KCNH5: variants seen among roughly 807,000 people sequenced by gnomAD.
The protein encoded by KCNH5 is voltage-gated delayed rectifier potassium channel KCNH5.
KCNH5 carries 46 observed loss-of-function variants against 96.1 expected under a neutral mutation model. The observed-to-expected ratio is 0.48, with a 90% CI of 0.38 to 0.61. The LOEUF is 0.61. Ranked by LOEUF, KCNH5 falls within the 20% of genes least tolerant of loss-of-function variation. The pLI, the probability that KCNH5 is intolerant of heterozygous loss-of-function variation, is 0.00. For missense variants in KCNH5, 907 were observed against 1,225.8 expected, an observed-to-expected ratio of 0.74 and a Z score of 3.88; for synonymous variants, 439 against 449.8, an observed-to-expected ratio of 0.98 and a Z score of 0.30.
intron 3 of KCNH5, among the ~76,000 whole-genome samples, chr14:63,001,780 G>C (rs780499314): frequency 1.3e-5 from 2 of 152,184 alleles, no homozygotes; most frequent in Non-Finnish European, 2.9e-5. Context: ...GTAGGTCTGG[G>C]TCCCTCAACC....
chr14:62,781,067 T>G (rs985066942), intron 9 of KCNH5, among the ~76,000 whole-genome samples: 4 of 152,058 alleles, frequency 2.6e-5, no homozygotes, highest in African/African-American at 4.8e-5. Context: ...CATAGGTTCT[T>G]TTCTATTTTC....
chr14:62,760,928 T>G (rs1228618005), intron 10 of KCNH5, among the ~76,000 whole-genome samples: 1 of 152,258 alleles, frequency 6.6e-6, no homozygotes, highest in Non-Finnish European at 1.5e-5. Context: ...AAAATGTATA[T>G]AATGCTTTAA....
chr14:62,816,191 TAAAAC>T (rs1169566197), intron 8 of KCNH5, among the ~76,000 whole-genome samples: 2 of 151,848 alleles, frequency 1.3e-5, no homozygotes, highest in Non-Finnish European at 2.9e-5. Flanking sequence ...CTAAACAAGA[TAAAAC>T]AAAATATAGT....
At chr14:62,846,039 C>T (rs1338815148) in intron 8 of KCNH5, among the ~76,000 whole-genome samples, 1 of 152,160 alleles carries the variant, frequency 6.6e-6, no homozygotes, top group African/African-American at 2.4e-5. Flanking sequence ...AATTTACACA[C>T]CTCCCAGAAT....
intron 8 of KCNH5, among the ~76,000 whole-genome samples, chr14:62,818,269 T>TA (rs1887041193): frequency 6.6e-6 from 1 of 152,086 alleles, no homozygotes; most frequent in Non-Finnish European, 1.5e-5. Flanking sequence ...TGTGAGATGA[T>TA]AGATATGTTA....
intron 7 of KCNH5, among the ~76,000 whole-genome samples, chr14:62,944,485 TC>T (rs368126975): frequency 8.4e-4 from 127 of 151,962 alleles, no homozygotes; most frequent in African/African-American, 2.8e-3. Context: ...TATCCTATCT[TC>T]CCCACCACAC....
At chr14:62,756,562 A>G (rs1885628096) in intron 10 of KCNH5, among the ~76,000 whole-genome samples, 1 of 152,210 alleles carries the variant, frequency 6.6e-6, no homozygotes, top group Admixed American at 6.5e-5. Context: ...CAACAGAGCT[A>G]CTATAACTAA....
chr14:62,738,788 C>T (rs867796277), intron 10 of KCNH5, among the ~76,000 whole-genome samples: 5 of 151,996 alleles, frequency 3.3e-5, no homozygotes, highest in Non-Finnish European at 4.4e-5. Context: ...TATAGCAGTT[C>T]GCAATCCAGT....
At chr14:62,948,017 C>T (rs1342967762) in intron 7 of KCNH5, among the ~76,000 whole-genome samples, 1 of 151,716 alleles carries the variant, frequency 6.6e-6, no homozygotes, top group Non-Finnish European at 1.5e-5. Context: ...GTGATGTTCC[C>T]CTTCCTGTGT....
chr14:62,967,018 G>C (rs1032667436), intron 6 of KCNH5, among the ~76,000 whole-genome samples: 1 of 152,078 alleles, frequency 6.6e-6, no homozygotes, highest in Non-Finnish European at 1.5e-5. Context: ...GGTTGTGTTG[G>C]TAATGTTTGG....
intron 6 of KCNH5, among the ~76,000 whole-genome samples, chr14:62,974,204 C>T (rs997976723): frequency 2.0e-5 from 3 of 152,076 alleles, no homozygotes; most frequent in Admixed American, 1.3e-4. Context: ...TCATTTTTGA[C>T]CTAGTTTTTA....
chr14:62,980,426 G>T (rs765051803), intron 6 of KCNH5, among the ~76,000 whole-genome samples: 8 of 152,192 alleles, frequency 5.3e-5, no homozygotes, highest in Non-Finnish European at 1.0e-4. Flanking sequence ...CAAAAGATCT[G>T]TGAATGAGTA....
rs1884364716 is a variant in KCNH5, at chr14:62,702,582, T to C, written c.*4926A>G. 6.6e-6 allele frequency: 1 copy of C among 151,994 alleles called. No homozygotes were observed. Among genetic ancestry groups the C allele is most frequent in the South Asian group, 2.1e-4 (1 of 4,834 alleles). 9.4% of individuals were successfully genotyped at this position (151,994 alleles called of 1,614,324 possible). ...CAAGAATTAAATTTGATAACCTAAATAAAATGCTTATCATAGTGAGACCTT... is the reference window on the plus strand; with the variant it reads ...CAAGAATTAAATTTGATAACCTAAACAAAATGCTTATCATAGTGAGACCTT... On this transcript the variant is annotated 3_prime_UTR_variant, in exon 11 of 11. Transcript: ENST00000322893.
At chr14:63,037,613 C>A (rs1169826897) in intron 1 of KCNH5, among the ~76,000 whole-genome samples, 5 of 152,008 alleles carry the variant, frequency 3.3e-5, no homozygotes, top group Admixed American at 2.6e-4. Context: ...AAATAAATGC[C>A]AGCAGACCAA....
chr14:62,940,155 C>T (rs554900448), intron 7 of KCNH5, among the ~76,000 whole-genome samples: 39 of 152,230 alleles, frequency 2.6e-4, no homozygotes, highest in African/African-American at 7.9e-4. Context: ...CCACAGACCA[C>T]GTGCCAAATC....
intron 1 of KCNH5, among the ~76,000 whole-genome samples, chr14:63,038,124 T>C (rs1891756180): frequency 6.6e-6 from 1 of 152,206 alleles, no homozygotes; most frequent in Non-Finnish European, 1.5e-5. Flanking sequence ...TATGCATTGA[T>C]TAACTAAATA....
chr14:62,947,970 C>T (rs1036861400), intron 7 of KCNH5, among the ~76,000 whole-genome samples: 1 of 151,914 alleles, frequency 6.6e-6, no homozygotes, highest in African/African-American at 2.4e-5. Flanking sequence ...AATGCTATCC[C>T]TCCCCTCTCC....
chr14:62,853,193 A>G (rs1887842517), intron 7 of KCNH5, among the ~76,000 whole-genome samples: 4 of 151,950 alleles, frequency 2.6e-5, no homozygotes, highest in Non-Finnish European at 5.9e-5. Flanking sequence ...GTATAGCTTC[A>G]ATTCAATCAC....
At chr14:62,778,982 G>A (rs1886153111) in intron 10 of KCNH5, among the ~76,000 whole-genome samples, 1 of 152,214 alleles carries the variant, frequency 6.6e-6, no homozygotes, top group Non-Finnish European at 1.5e-5. Context: ...AGAAAGGAAT[G>A]ACTGTTATTT....
Sources: gnomAD v4.1 joint callset for allele counts (sites outside exome capture counted in the v4.1 genomes callset) on GRCh38, gnomAD v4.1.1 for gene constraint, MANE v1.5 for transcripts, NCBI Gene and HGNC (gene_info 2026-07-23, HGNC 2026-07-21) for gene names.